The following OSBPL10 variants were observed in gnomAD, a reference collection of about 807,000 sequenced individuals.
OSBPL10 encodes the protein oxysterol binding protein like 10.
OSBPL10 carries 49 observed loss-of-function variants against 81.7 expected under a neutral mutation model. The ratio of observed to expected loss-of-function variants is 0.60; its 90% CI spans 0.48 to 0.76. The LOEUF (loss-of-function observed/expected upper bound fraction) is 0.76. Among genes scored for constraint, OSBPL10 ranks in the 30% least tolerant of loss-of-function variants. The probability of loss-of-function intolerance (pLI) is 0.00; values close to 1 mark genes in which losing one functional copy is unlikely to be tolerated. For synonymous variants in OSBPL10, 419 were observed against 383.6 expected (o/e 1.09, Z -1.08); for missense variants, 923 against 987.8 (o/e 0.93, Z 0.88).
intron 4 of OSBPL10, chr3:31,794,839 G>A: frequency 5.4e-6 from 2 of 369,554 alleles, no homozygotes; most frequent in South Asian, 2.6e-5. Flanking sequence ...CAGGAGTGGG[G>A]CATGTGGGAA....
intron 1 of OSBPL10, among the ~76,000 whole-genome samples, chr3:31,974,933 T>C (rs1559539012): frequency 6.6e-6 from 1 of 152,184 alleles, no homozygotes; most frequent in African/African-American, 2.4e-5. Context: ...TTTCTTTGCC[T>C]CAACAACTTT....
chr3:31,747,487 T>C (rs961963610), intron 5 of OSBPL10, among the ~76,000 whole-genome samples: 17 of 98,460 alleles, frequency 1.7e-4, no homozygotes, highest in South Asian at 3.8e-4. Context: ...AATCTTCAAA[T>C]AAAAAAAAAA....
chr3:31,982,108 A>T (rs1698862378), upstream of OSBPL10, among the ~76,000 whole-genome samples: 1 of 152,166 alleles, frequency 6.6e-6, no homozygotes, highest in Non-Finnish European at 1.5e-5. Flanking sequence ...ATCCATTGCT[A>T]CCACACTGCA....
intron 1 of OSBPL10, among the ~76,000 whole-genome samples, chr3:31,944,946 A>G (rs1231141593): frequency 1.3e-5 from 2 of 149,998 alleles, no homozygotes; most frequent in Non-Finnish European, 3.0e-5. Context: ...AGGTCAAGAG[A>G]TTGAGACCAT....
At position 31,876,281 on chromosome 3, in the gene OSBPL10, T is replaced by C. The variant is rs1424696995; in HGVS notation, c.537+152A>G. On this transcript the variant is annotated intron_variant, in intron 3 of 11. Transcript: ENST00000396556. ...AATCTTACTACATTTCTCCTGGCTT[T>C]AAATTTATGTGCAGCAGGACAAGTA... 1.1e-5 allele frequency: 7 copies of C among 652,624 alleles called. No homozygotes were observed. In the Middle Eastern group the frequency reaches 1.0e-3, roughly 96 times the overall value. The allele number at this position is 652,624 out of a possible 1,614,324, so 40.4% of individuals were successfully genotyped here.
At chr3:32,042,863 T>G (rs1366833807) in intron 2 of OSBPL10, among the ~76,000 whole-genome samples, 1 of 152,140 alleles carries the variant, frequency 6.6e-6, no homozygotes, top group Non-Finnish European at 1.5e-5. Flanking sequence ...CAGAAACTCC[T>G]GATAAGGGTC....
chr3:31,943,179 A>G (rs1168308198), intron 1 of OSBPL10, among the ~76,000 whole-genome samples: 1 of 152,238 alleles, frequency 6.6e-6, no homozygotes, highest in Non-Finnish European at 1.5e-5. Flanking sequence ...TGCCACATGT[A>G]TCAGAGCTAC....
At chr3:31,700,076 C>G (rs548213415) in intron 7 of OSBPL10, among the ~76,000 whole-genome samples, 2 of 152,344 alleles carry the variant, frequency 1.3e-5, no homozygotes, top group Admixed American at 6.5e-5. Context: ...AGTTCTACCT[C>G]TTTCCCTCAC....
intron 4 of OSBPL10, among the ~76,000 whole-genome samples, chr3:31,801,921 C>G (rs1699391125): frequency 6.6e-6 from 1 of 152,010 alleles, no homozygotes; most frequent in Non-Finnish European, 1.5e-5. Flanking sequence ...CTCCAGGATT[C>G]AAGCAAATTC....
chr3:32,028,676 G>C (rs1197078585), intron 2 of OSBPL10, among the ~76,000 whole-genome samples: 2 of 151,996 alleles, frequency 1.3e-5, no homozygotes, highest in African/African-American at 4.8e-5. Context: ...GGAAACTTCT[G>C]GTATCCATAG....
chr3:32,008,508 A>G (rs1699224854), intron 2 of OSBPL10, among the ~76,000 whole-genome samples: 1 of 151,474 alleles, frequency 6.6e-6, no homozygotes, highest in African/African-American at 2.4e-5. Flanking sequence ...AGGTGGGCAG[A>G]TTACTTGAGC....
At chr3:31,869,524 T>C (rs1012424639) in intron 3 of OSBPL10, among the ~76,000 whole-genome samples, 12 of 152,184 alleles carry the variant, frequency 7.9e-5, no homozygotes, top group African/African-American at 2.2e-4. Flanking sequence ...ATTTAGAAGA[T>C]TGAGGAAGGA....
intron 4 of OSBPL10, among the ~76,000 whole-genome samples, chr3:31,812,721 AGAAAGAAAGAAAGAAAGAAAG>A (rs1699716868): frequency 5.4e-5 from 2 of 37,124 alleles, no homozygotes; most frequent in East Asian, 1.6e-3. Flanking sequence ...GCAAAAAAAA[AGAAAGAAAGAAAGAAAGAAAG>A]AAAGAAAGAA....
chr3:31,687,589 G>A (rs1281532033), intron 7 of OSBPL10, among the ~76,000 whole-genome samples: 4 of 152,084 alleles, frequency 2.6e-5, no homozygotes, highest in African/African-American at 7.3e-5. Context: ...AGGTGAGGGC[G>A]CTATGCCTGG....
intron 2 of OSBPL10, among the ~76,000 whole-genome samples, chr3:32,015,727 C>A (rs1342574252): frequency 6.6e-6 from 1 of 152,162 alleles, no homozygotes; most frequent in African/African-American, 2.4e-5. Flanking sequence ...TATCCAGAAC[C>A]TACAATGAAC....
At chr3:32,066,992 G>C (rs1323164244) in intron 1 of OSBPL10, among the ~76,000 whole-genome samples, 1 of 152,082 alleles carries the variant, frequency 6.6e-6, no homozygotes, top group Non-Finnish European at 1.5e-5. Context: ...TGATAACGAG[G>C]CTCCTTCTGC....
chr3:31,883,302 C>T (rs895598601), intron 1 of OSBPL10, among the ~76,000 whole-genome samples: 9 of 151,720 alleles, frequency 5.9e-5, no homozygotes, highest in African/African-American at 1.9e-4. Context: ...TGCAATGGCA[C>T]GATCTCAGCT....
intron 4 of OSBPL10, among the ~76,000 whole-genome samples, chr3:31,806,972 G>T: frequency 6.6e-6 from 1 of 152,196 alleles, no homozygotes; most frequent in East Asian, 1.9e-4. Flanking sequence ...AACATAGCCA[G>T]GGACCTGGTC....
At chr3:31,765,702 G>T (rs1368935639) in intron 4 of OSBPL10, among the ~76,000 whole-genome samples, 1 of 152,162 alleles carries the variant, frequency 6.6e-6, no homozygotes, top group Non-Finnish European at 1.5e-5. Flanking sequence ...AAGTGAAAAA[G>T]GAGGTACAAT....
Sources: allele counts gnomAD v4.1 joint callset (sites outside exome capture counted in the v4.1 genomes callset), GRCh38; gene constraint gnomAD v4.1.1; transcripts MANE v1.5; gene names NCBI Gene and HGNC (gene_info 2026-07-23, HGNC 2026-07-21).